The following CRYBG2 variants were observed in gnomAD, a reference collection of about 807,000 sequenced individuals.
CRYBG2 encodes the protein crystallin beta-gamma domain containing 2, also known as beta/gamma crystallin domain-containing protein 2.
In CRYBG2, 106 loss-of-function variants were observed where a neutral mutation model predicts 153.4. The ratio of observed to expected loss-of-function variants is 0.69; its 90% CI spans 0.59 to 0.81. The LOEUF (loss-of-function observed/expected upper bound fraction) is 0.81, where lower values mean the gene tolerates loss of function less well. CRYBG2 is among the 30% of genes least tolerant of loss of function. The pLI is 0.00. For missense variants in CRYBG2, 1,996 were observed against 2,112.0 expected (o/e 0.95, Z 1.08); for synonymous variants, 851 against 877.8 (o/e 0.97, Z 0.54).
At chr1:26,331,269 G>C (rs890532586) in intron 15 of CRYBG2, among the ~76,000 whole-genome samples, 1 of 152,196 alleles carries the variant, frequency 6.6e-6, no homozygotes, top group African/African-American at 2.4e-5. Context: ...GCAGGGCTGT[G>C]TCTGATTTCT....
At chr1:26,340,572 T>C (rs1444241411) in intron 5 of CRYBG2, among the ~76,000 whole-genome samples, 1 of 152,136 alleles carries the variant, frequency 6.6e-6, no homozygotes, top group African/African-American at 2.4e-5. Context: ...TCCACAAACA[T>C]TTGTGTGTTT....
In CRYBG2 at chr1:26,322,013, C is replaced by T. The variant is rs754208662; in HGVS notation, c.4941G>A (p.Pro1647=). Residue 1647 remains proline, a synonymous_variant, in exon 20 of 20, where the codon CCG becomes CCA. Coordinates refer to ENST00000308182, the MANE Select transcript of CRYBG2 (RefSeq NM_001039775.4). ...YDRDHVVLWE[P]DEDRASQIWT... ...AGATCTGGGATGCCCTGTCCTCATC[C>T]GGCTCCCATAGCACCACGTGGTCCC... The T allele has an allele frequency of 1.1e-5, 18 of 1,606,306 alleles. No individual in the cohort carries two copies. The highest frequency in any genetic ancestry group is 1.7e-5 in the Admixed American group (1 of 59,764).
At chr1:26,342,232 C>G (rs546215835) in intron 5 of CRYBG2, among the ~76,000 whole-genome samples, 1 of 152,254 alleles carries the variant, frequency 6.6e-6, no homozygotes, top group East Asian at 1.9e-4. Context: ...TCCACTCAAA[C>G]TTCCCCAGGC....
At chr1:26,327,943 T>TCA (rs1390168494) in intron 17 of CRYBG2, among the ~76,000 whole-genome samples, 43 of 92,712 alleles carry the variant, frequency 4.6e-4, no homozygotes, top group Non-Finnish European at 7.9e-4. Flanking sequence ...CAAGACTCTG[T>TCA]CACACAAAAA....
At chr1:26,335,043 G>A (rs1306782096) in intron 14 of CRYBG2, among the ~76,000 whole-genome samples, 1 of 151,894 alleles carries the variant, frequency 6.6e-6, no homozygotes, top group East Asian at 1.9e-4. Context: ...CACCTAGCAT[G>A]CAGATTTTGG....
chr1:26,340,420 AC>A (rs1245102106), intron 5 of CRYBG2, among the ~76,000 whole-genome samples: 1 of 152,144 alleles, frequency 6.6e-6, no homozygotes, highest in Non-Finnish European at 1.5e-5. Context: ...CACTGTTGCA[AC>A]CCAGCACCTC....
In CRYBG2 at chr1:26,346,332, C is replaced by T; in HGVS notation, c.326G>A (p.Arg109Lys). 6 of 1,599,458 alleles carry T rather than the reference C, an allele frequency of 3.8e-6. No individual in the cohort carries two copies. The highest frequency in any genetic ancestry group is 2.2e-5 in the East Asian group (1 of 44,864). Residue 109 changes from arginine (R) to lysine (K), a missense_variant, in exon 2 of 20, where the codon AGG becomes AAG. Coordinates refer to ENST00000308182, the MANE Select transcript of CRYBG2 (RefSeq NM_001039775.4). This position sits in a 1 kb window ranked among gnomAD's most constrained non-coding sequence, Gnocchi z 4.9. ...AGCCTCCTTCAGCCTCCCCTCAGGC[C>T]TTTTCTCCTTGGGAGGTGGTATGTA... is the stretch of plus-strand genomic sequence containing the variant. ...KKYIPPPKEK[R>K]PEGRLKEAVD... is the part of the protein sequence containing the mutation.
At chr1:26,348,677 T>C (rs1363378284) in intron 1 of CRYBG2, among the ~76,000 whole-genome samples, 3 of 152,092 alleles carry the variant, frequency 2.0e-5, no homozygotes. Context: ...TGCCTCAGCC[T>C]CCCGAGTAGC....
At chr1:26,338,149 C>A in intron 7 of CRYBG2, 102 bp from the exon 8 acceptor site, 1 of 1,485,390 alleles carries the variant, frequency 6.7e-7, no homozygotes, top group Non-Finnish European at 9.2e-7. Flanking sequence ...AACCCCATGT[C>A]TTCCCTTTTC....
Position 26,331,579 on chromosome 1 carries a change from C to A in CRYBG2, c.4224G>T (p.Gln1408His). ...GGAACTCGCCCTCAGAGAGAATGTG[C>A]TGGTCACCCTCGAAGTTCGTCTCAT... ...LFDETNFEGD[Q>H]HILSEGEFPT... Residue 1408 changes from glutamine (Q) to histidine (H), a missense_variant, in exon 15 of 20, where the codon CAG becomes CAT. Coordinates refer to ENST00000308182, the MANE Select transcript of CRYBG2 (RefSeq NM_001039775.4). 1.2e-6 allele frequency: 2 copies of A among 1,614,106 alleles called. No homozygotes were observed. The highest frequency in any genetic ancestry group is 1.7e-6 in the Non-Finnish European group (2 of 1,180,028).
rs1570169850 is a variant in CRYBG2 at position 26,328,101 on chromosome 1, A to C, written c.4578+108T>G. 14 of 1,423,238 alleles carry C rather than the reference A, an allele frequency of 9.8e-6. No individual in the cohort carries two copies. In the East Asian group the frequency reaches 3.6e-4, roughly 37 times the overall value. The allele number at this position is 1,423,238 out of a possible 1,614,324, so 88.2% of individuals were successfully genotyped here. A position where few individuals can be genotyped will look rare whatever the true frequency, so the allele number is the denominator to read the frequency against. The stretch of plus-strand genomic sequence containing the variant: ...ACGATGTGGCAAAAGTTGTGACAAA[A>C]GTACACAAATGCTGTGTTTGGGAAA... On this transcript the variant is annotated intron_variant, in intron 17 of 19. Coordinates refer to ENST00000308182, the MANE Select transcript of CRYBG2 (RefSeq NM_001039775.4).
At chr1:26,338,824 T>TA in intron 6 of CRYBG2, among the ~76,000 whole-genome samples, 1 of 152,368 alleles carries the variant, frequency 6.6e-6, no homozygotes, top group East Asian at 1.9e-4. Context: ...TTGTTGCTTA[T>TA]GCTGGCTACA....
intron 18 of CRYBG2, among the ~76,000 whole-genome samples, chr1:26,323,250 T>C (rs893240288): frequency 4.1e-4 from 63 of 151,964 alleles, no homozygotes; most frequent in African/African-American, 1.4e-3. Context: ...CCGGCTAGTT[T>C]TTTTATTTTT....
chr1:26,322,014 G>A lies in CRYBG2; in HGVS notation c.4940C>T (p.Pro1647Leu), dbSNP rs779536533. The part of the protein sequence containing the change: ...YDRDHVVLWE[P>L]DEDRASQIWT... ...GATCTGGGATGCCCTGTCCTCATCCGGCTCCCATAGCACCACGTGGTCCCG... is the reference window on the plus strand; with the variant it reads ...GATCTGGGATGCCCTGTCCTCATCCAGCTCCCATAGCACCACGTGGTCCCG... The change falls in exon 20 of 20, where the codon CCG becomes CTG. Residue 1647 changes from proline to leucine, a missense_variant. Transcript: ENST00000308182. 31 of 1,606,220 alleles carry A rather than the reference G, an allele frequency of 1.9e-5. No individual in the cohort carries two copies. The highest frequency in any genetic ancestry group is 4.4e-5 in the South Asian group (4 of 90,836).
rs1283561394 is a variant in CRYBG2, at chr1:26,344,250, A to G, written c.2408T>C (p.Ile803Thr). 2.0e-6 allele frequency: 3 copies of G among 1,534,504 alleles called. No individual in the cohort carries two copies. The highest frequency in any genetic ancestry group is 1.7e-6 in the Non-Finnish European group (2 of 1,145,706). ...YLSMYATLPAIEEDQLGPWVL... is the reference protein window; with the variant it reads ...YLSMYATLPATEEDQLGPWVL... ...CCATGGCCCCAGCTGGTCCTCCTCA[A>G]TGGCAGGCAGCGTGGCGTACATGGA... The change falls in exon 2 of 20, where the codon ATT becomes ACT. Residue 803 changes from isoleucine to threonine, a missense_variant. By Grantham distance (89) the Ile-to-Thr change is moderately conservative. Transcript: ENST00000308182.
chr1:26,351,007 C>T (rs1280752227), intron 1 of CRYBG2, among the ~76,000 whole-genome samples: 1 of 152,130 alleles, frequency 6.6e-6, no homozygotes, highest in Non-Finnish European at 1.5e-5. Context: ...ACTGAAGCCC[C>T]GGGAAGCCTG....
rs1170857439 is a variant in CRYBG2, at chr1:26,328,825, C to T, written c.4363G>A (p.Gly1455Arg). Residue 1455 changes from glycine (G) to arginine (R), a missense_variant, in exon 16 of 20, where the codon GGG becomes AGG. Transcript: ENST00000308182. ...TCCCTGCTGAGCTCGATCTCCTTCC[C>T]CTCGAAGCACTCGAGTCCATACAGG... ...IFLYGLECFE[G>R]KEIELSREVR... The T allele has an allele frequency of 4.3e-6, 7 of 1,614,024 alleles. No homozygotes were observed. Among genetic ancestry groups the T allele is most frequent in the Admixed American group, 1.7e-5 (1 of 59,986 alleles).
intron 17 of CRYBG2, among the ~76,000 whole-genome samples, chr1:26,327,294 T>C (rs1311420691): frequency 6.6e-6 from 1 of 151,832 alleles, no homozygotes; most frequent in East Asian, 1.9e-4. Flanking sequence ...CAGTGAAACC[T>C]CGTCTCTACT....
In CRYBG2 at chr1:26,338,490, G is replaced by C. The variant is rs769378745; in HGVS notation, c.3345-13C>G. The C allele has an allele frequency of 6.3e-7, 1 of 1,594,412 alleles. No homozygotes were observed. The highest frequency in any genetic ancestry group is 2.2e-5 in the East Asian group (1 of 44,572). Reference sequence around the variant, plus strand: ...GTACAGTAGCCACCTAGGGGAAACAGAGAGGCTGCTGCACCCTAGCAGAGA... The same window carrying C: ...GTACAGTAGCCACCTAGGGGAAACACAGAGGCTGCTGCACCCTAGCAGAGA... On this transcript the variant is annotated splice_polypyrimidine_tract_variant and intron_variant, in intron 6 of 19. Coordinates refer to ENST00000308182, the MANE Select transcript of CRYBG2 (RefSeq NM_001039775.4).
Sources: gnomAD v4.1 joint callset for allele counts (sites outside exome capture counted in the v4.1 genomes callset) on GRCh38, gnomAD v4.1.1 for gene constraint, Gnocchi (gnomAD v3.1) non-coding constraint, MANE v1.5 for transcripts, NCBI Gene and HGNC (gene_info 2026-07-23, HGNC 2026-07-21) for gene names.